Variants in ECE1 observed in about 807,000 individuals in gnomAD.
ECE1 encodes the protein endothelin converting enzyme 1, also known as endothelin-converting enzyme 1.
ECE1 carries 35 observed loss-of-function variants against 98.6 expected under a neutral mutation model. The observed-to-expected ratio is 0.35, with a 90% confidence interval of 0.27 to 0.47. The LOEUF is 0.47. Among genes scored for constraint, ECE1 ranks in the 20% least tolerant of loss-of-function variants. The pLI, the probability that ECE1 is intolerant of heterozygous loss-of-function variation, is 1.00. For missense variants in ECE1, 814 were observed against 1,025.3 expected, an observed-to-expected ratio of 0.79 and a Z score of 2.81; for synonymous variants, 394 against 407.1, an observed-to-expected ratio of 0.97 and a Z score of 0.39.
At chr1:21,241,862 C>T (rs2098196824) in intron 10 of ECE1, among the ~76,000 whole-genome samples, 2 of 152,158 alleles carry the variant, frequency 1.3e-5, no homozygotes, top group South Asian at 2.1e-4. Flanking sequence ...AGGGTCTGAT[C>T]GATCTGACCG....
In ECE1 at chr1:21,233,229, C is replaced by A; in HGVS notation, c.1670+329G>T. The A allele has an allele frequency of 3.5e-6, 1 of 285,456 alleles. No individual in the cohort carries two copies. 17.7% of individuals were successfully genotyped at this position (285,456 alleles called of 1,614,324 possible). ...GACCCCAGAACCAGCTCCTCCCATCCTATTCTGCGGAAAATGAAATGAAGG... is the reference window on the plus strand; with the variant it reads ...GACCCCAGAACCAGCTCCTCCCATCATATTCTGCGGAAAATGAAATGAAGG... On this transcript the variant is annotated intron_variant, in intron 14 of 18. Coordinates refer to ENST00000374893, the MANE Select transcript of ECE1 (RefSeq NM_001397.3). This position sits in a 1 kb window ranked among gnomAD's most constrained non-coding sequence, Gnocchi z 4.0.
In ECE1 at chr1:21,345,350, A is replaced by G. The variant is rs1639478711; in HGVS notation, c.3+26T>C. The G allele has an allele frequency of 1.5e-6, 2 of 1,360,492 alleles. No homozygotes were observed. Among genetic ancestry groups the G allele is most frequent in the East Asian group, 6.6e-5 (2 of 30,100 alleles). The allele number at this position is 1,360,492 out of a possible 1,614,324, so 84.3% of individuals were successfully genotyped here. A position where few individuals can be genotyped will look rare whatever the true frequency, so the allele number is the denominator to read the frequency against. On this transcript the variant is annotated intron_variant, in intron 1 of 18. Transcript: ENST00000415912. The surrounding 1 kb of genome is among the most constrained non-coding windows in gnomAD (Gnocchi z 5.1). ...GACCGTCGAGGCTGGGCTGGACCGG[A>G]CCAGACCTCCGCGCGCAGCACTCAC...
chr1:21,262,540 C>T (rs1326371454), intron 4 of ECE1, among the ~76,000 whole-genome samples: 3 of 152,232 alleles, frequency 2.0e-5, no homozygotes, highest in Non-Finnish European at 4.4e-5. Flanking sequence ...CCCTGAAATG[C>T]CAGGGCCAGC....
intron 17 of ECE1, among the ~76,000 whole-genome samples, chr1:21,224,510 G>T (rs9426746): frequency 0.031 from 4,745 of 152,122 alleles, 228 homozygotes; most frequent in African/African-American, 0.11. Context: ...TGCAAAACGG[G>T]GATTATAATA....
Position 21,260,467 on chromosome 1 carries a change from T to A in ECE1, c.494-75A>T. 1 of 1,582,886 alleles carries A rather than the reference T, an allele frequency of 6.3e-7. No homozygotes were observed. The highest frequency in any genetic ancestry group is 1.7e-5 in the Admixed American group (1 of 59,960). On this transcript the variant is annotated intron_variant, in intron 4 of 18. Transcript: ENST00000374893. The surrounding 1 kb of genome is among the most constrained non-coding windows in gnomAD (Gnocchi z 4.3). ...GGTGGCTTTGGGGCAGTCCCTCTTT[T>A]CGGAGCCTTGGTGTTCTCAGCTGCA...
chr1:21,237,150 C>T (rs998019830), intron 11 of ECE1, among the ~76,000 whole-genome samples: 5 of 152,188 alleles, frequency 3.3e-5, no homozygotes, highest in East Asian at 1.9e-4. Context: ...TAATAGGCAC[C>T]GTGATTCTTC....
chr1:21,254,411 A>T (rs1249328401), intron 8 of ECE1, among the ~76,000 whole-genome samples: 1 of 152,064 alleles, frequency 6.6e-6, no homozygotes, highest in Non-Finnish European at 1.5e-5. Flanking sequence ...CAAGCTGCTG[A>T]GTCTGCTAAA....
chr1:21,220,051 G>GCC lies in ECE1; in HGVS notation c.2216_2217insGG (p.Ile740AlafsTer23). 1 of 1,614,232 alleles carries GCC rather than the reference G, an allele frequency of 6.2e-7. No individual in the cohort carries two copies. Among genetic ancestry groups the GCC allele is most frequent in the Non-Finnish European group, 8.5e-7 (1 of 1,180,036 alleles). ...CCTTGGAATTGGAGAGGGAGCCGATGACCCGGAAGCGAGAGGGGCTGTGGG... is the reference window on the plus strand; with the variant it reads ...CCTTGGAATTGGAGAGGGAGCCGATGCCACCCGGAAGCGAGAGGGGCTGTGGG... On this transcript the variant is annotated frameshift_variant, in exon 19 of 19. Coordinates refer to ENST00000374893, the MANE Select transcript of ECE1 (RefSeq NM_001397.3). LOFTEE classifies it high-confidence loss of function. The surrounding 1 kb of genome is among the most constrained non-coding windows in gnomAD (Gnocchi z 5.0).
intron 16 of ECE1, among the ~76,000 whole-genome samples, chr1:21,226,333 C>T (rs2098174204): frequency 6.6e-6 from 1 of 152,188 alleles, no homozygotes; most frequent in South Asian, 2.1e-4. Flanking sequence ...TCACACAGTC[C>T]TCCCAATCAC....
chr1:21,302,430 G>A (rs1432204594), intron 1 of ECE1, among the ~76,000 whole-genome samples: 1 of 152,188 alleles, frequency 6.6e-6, no homozygotes, highest in African/African-American at 2.4e-5. Flanking sequence ...GATGATAACA[G>A]CTCATATCTC....
rs1573970294 is a variant in ECE1 at position 21,253,712 on chromosome 1, G to A, written c.1020+2235C>T. 2.7e-5 allele frequency among the ~76,000 whole-genome samples: 4 copies of A among 148,058 alleles called. No individual in the cohort carries two copies. In the South Asian group the frequency reaches 6.4e-4, roughly 24 times the overall value. On this transcript the variant is annotated intron_variant, in intron 8 of 18. Coordinates refer to ENST00000374893, the MANE Select transcript of ECE1 (RefSeq NM_001397.3). ...CAGGAGGTGGAGCTTGCAGAGAGCC[G>A]AGATGGCGCCACTGCACTCCAGCCT... is the stretch of plus-strand genomic sequence containing the variant.
intron 1 of ECE1, among the ~76,000 whole-genome samples, chr1:21,317,709 GCCTCT>G (rs1638861584): frequency 6.6e-6 from 1 of 152,190 alleles, no homozygotes; most frequent in African/African-American, 2.4e-5. Flanking sequence ...GTTCTCTTCG[GCCTCT>G]CCTGAGCCCC....
rs1344037386 is a variant in ECE1, at chr1:21,225,410, C to T, written c.1880G>A (p.Arg627Gln). 10 of 1,614,152 alleles carry T rather than the reference C, an allele frequency of 6.2e-6. No individual in the cohort carries two copies. The highest frequency in any genetic ancestry group is 8.5e-6 in the Non-Finnish European group (10 of 1,180,020). ...GREYDKDGNL[R>Q]PWWKNSSVEA... is the part of the protein sequence containing the mutation. ...CACGGATGAGTTCTTCCACCATGGC[C>T]GGAGGTTCCCGTCCTTGTCATACTC... is the stretch of plus-strand genomic sequence containing the variant. The change falls in exon 17 of 19, where the codon CGG becomes CAG. Residue 627 changes from arginine to glutamine, a missense_variant. This residue lies in a region of ECE1 where 452 missense variants were observed against 567.3 expected (regional missense o/e 0.80). Coordinates refer to ENST00000374893, the MANE Select transcript of ECE1 (RefSeq NM_001397.3). This position sits in a 1 kb window ranked among gnomAD's most constrained non-coding sequence, Gnocchi z 5.3.
At chr1:21,227,020 A>G (rs1209621869) in intron 16 of ECE1, 139 bp downstream of exon 16, 2 of 800,774 alleles carry the variant, frequency 2.5e-6, no homozygotes, top group East Asian at 2.7e-5. Flanking sequence ...CATCATGCAC[A>G]GCCTAATTTT....
At chr1:21,257,019 G>A (rs542112102) in intron 7 of ECE1, among the ~76,000 whole-genome samples, 2 of 152,220 alleles carry the variant, frequency 1.3e-5, no homozygotes, top group African/African-American at 4.8e-5. Flanking sequence ...CATCACAAGA[G>A]GCAGGCCAGG....
chr1:21,246,536 G>GT (rs989802727), intron 9 of ECE1, among the ~76,000 whole-genome samples: 3 of 150,312 alleles, frequency 2.0e-5, no homozygotes, highest in Non-Finnish European at 4.4e-5. Flanking sequence ...AAAGAAAATC[G>GT]TAAGTATTAA....
In ECE1 at chr1:21,240,615, T is replaced by C. The variant is rs866974485; in HGVS notation, c.1279-2371A>G. ...AGAAAGAAAGGAAGGGCCACTCTTC[T>C]TCTTACCCATGTTCTTTTTAGTTTT... On this transcript the variant is annotated intron_variant, in intron 10 of 18. Coordinates refer to ENST00000374893, the MANE Select transcript of ECE1 (RefSeq NM_001397.3). 3.3e-4 allele frequency among the ~76,000 whole-genome samples: 51 copies of C among 152,362 alleles called. 1 individual carries two copies. Among genetic ancestry groups the C allele is most frequent in the Middle Eastern group, 3.4e-3 (1 of 294 alleles).
At chr1:21,279,807 C>A (rs763119706) in intron 2 of ECE1, 22 of 875,092 alleles carry the variant, frequency 2.5e-5, no homozygotes, top group Non-Finnish European at 3.1e-5. Flanking sequence ...CCCTCATAAT[C>A]CCACGCAAAA....
chr1:21,221,460 C>T (rs1164073257), intron 18 of ECE1, among the ~76,000 whole-genome samples: 3 of 152,184 alleles, frequency 2.0e-5, no homozygotes, highest in Non-Finnish European at 4.4e-5. Flanking sequence ...GCGTGGGCTG[C>T]TGTGCCTGGC....
Sources: gnomAD v4.1 joint callset for allele counts (sites outside exome capture counted in the v4.1 genomes callset) on GRCh38, gnomAD v4.1.1 for gene constraint, gnomAD v4.1.1 regional missense constraint, Gnocchi (gnomAD v3.1) non-coding constraint, MANE v1.5 for transcripts, NCBI Gene and HGNC (gene_info 2026-07-23, HGNC 2026-07-21) for gene names.